The following RXRA variants were observed in gnomAD, a reference collection of about 807,000 sequenced individuals.
RXRA encodes the protein retinoid X receptor alpha.
In RXRA, 5 loss-of-function variants were observed where a neutral mutation model predicts 44.5. The observed-to-expected ratio is 0.11, with a 90% confidence interval of 0.06 to 0.24. The LOEUF (loss-of-function observed/expected upper bound fraction) is 0.24. Ranked by LOEUF, RXRA falls within the 10% of genes least tolerant of loss-of-function variation. RXRA has a pLI of 1.00. For missense variants in RXRA, 412 were observed against 646.5 expected (o/e 0.64, Z 3.93); for synonymous variants, 291 against 271.4 (o/e 1.07, Z -0.71).
At chr9:134,347,792 G>A (rs945463180) in intron 1 of RXRA, among the ~76,000 whole-genome samples, 3 of 152,194 alleles carry the variant, frequency 2.0e-5, no homozygotes, top group Non-Finnish European at 4.4e-5. Context: ...TTCAGAGCTG[G>A]ACATTGAGGT....
chr9:134,410,866 G>T (rs1388278957), intron 4 of RXRA, among the ~76,000 whole-genome samples: 11 of 152,232 alleles, frequency 7.2e-5, no homozygotes, highest in Admixed American at 6.5e-4. Context: ...CATGGCTGAT[G>T]CCTGGCCTGG....
chr9:134,365,978 C>T lies in RXRA; in HGVS notation c.29-35654C>T, dbSNP rs571263479. 5.3e-5 allele frequency among the ~76,000 whole-genome samples: 8 copies of T among 152,158 alleles called. No homozygotes were observed. Among genetic ancestry groups the T allele is most frequent in the Middle Eastern group, 3.4e-3 (1 of 294 alleles). ...CGTCCGCTGAGCGACCCCTAGGAGC[C>T]GCCTGTCTTTGCAGGAGCCGCGGGG... On this transcript the variant is annotated intron_variant, in intron 1 of 9. Transcript: ENST00000481739. This position sits in a 1 kb window ranked among gnomAD's most constrained non-coding sequence, Gnocchi z 4.0.
chr9:134,376,594 T>TCC (rs1554752121), intron 1 of RXRA, among the ~76,000 whole-genome samples: 1,549 of 152,098 alleles, frequency 0.01, 36 homozygotes, highest in African/African-American at 0.035. Flanking sequence ...CCTTGCCGCG[T>TCC]TCTCTGTCTA....
intron 1 of RXRA, among the ~76,000 whole-genome samples, chr9:134,351,405 T>C (rs1011295615): frequency 5.3e-5 from 8 of 152,122 alleles, no homozygotes; most frequent in Non-Finnish European, 8.8e-5. Flanking sequence ...GGCAGGCTGG[T>C]CTCCAGTCCC....
At chr9:134,374,947 C>T (rs578159777) in intron 1 of RXRA, among the ~76,000 whole-genome samples, 2 of 152,190 alleles carry the variant, frequency 1.3e-5, no homozygotes, top group Non-Finnish European at 2.9e-5. Context: ...GGCCAGGGCC[C>T]AGGGTGTCAC....
chr9:134,355,293 G>A (rs1554749943), intron 1 of RXRA, among the ~76,000 whole-genome samples: 1 of 152,188 alleles, frequency 6.6e-6, no homozygotes, highest in Non-Finnish European at 1.5e-5. Flanking sequence ...GTCTCTTTGC[G>A]CTCCCCGGCC....
chr9:134,405,583 G>C (rs1247876012), intron 2 of RXRA: 1 of 152,352 alleles, frequency 6.6e-6, no homozygotes, highest in African/African-American at 2.4e-5. Context: ...AGGCCCAAGG[G>C]ACTGCACATG....
chr9:134,413,514 CTCTG>C (rs759042511), intron 4 of RXRA, among the ~76,000 whole-genome samples: 7 of 152,164 alleles, frequency 4.6e-5, no homozygotes, highest in Non-Finnish European at 1.0e-4. Context: ...CTCTCTGGGT[CTCTG>C]TCTCCCCACC....
intron 8 of RXRA, among the ~76,000 whole-genome samples, chr9:134,432,251 T>C (rs1588310480): frequency 6.6e-6 from 1 of 152,214 alleles, no homozygotes; most frequent in Non-Finnish European, 1.5e-5. Context: ...GGCTTGGTGG[T>C]GCCGTCTGGG....
In RXRA at chr9:134,430,440, T is replaced by C. The variant is rs1831514642; in HGVS notation, c.1043+1200T>C. On this transcript the variant is annotated intron_variant, in intron 7 of 9. Coordinates refer to ENST00000481739, the MANE Select transcript of RXRA (RefSeq NM_002957.6). ...GCACCGGCACTTACAGGGGGATTAA[T>C]GCCCCAGCAGCAATGCCCCAGGGGG... Among the ~76,000 whole-genome samples the C allele has an allele frequency of 2.0e-5, 3 of 152,314 alleles. No homozygotes were observed. The South Asian group carries it at 6.2e-4, about 32-fold the overall frequency.
intron 6 of RXRA, chr9:134,422,364 C>A: frequency 7.8e-7 from 1 of 1,275,436 alleles, no homozygotes; most frequent in Non-Finnish European, 1.0e-6. Flanking sequence ...ACACTCCCCG[C>A]TACCGGGACA....
At chr9:134,381,068 G>A (rs562989102) in intron 1 of RXRA, among the ~76,000 whole-genome samples, 1 of 152,206 alleles carries the variant, frequency 6.6e-6, no homozygotes, top group Non-Finnish European at 1.5e-5. Context: ...ACCCGGACAA[G>A]GGGTTTTCCT....
At chr9:134,367,236 T>C (rs1484896139) in intron 1 of RXRA, among the ~76,000 whole-genome samples, 1 of 152,040 alleles carries the variant, frequency 6.6e-6, no homozygotes, top group Non-Finnish European at 1.5e-5. Flanking sequence ...CTGCCTGCCT[T>C]CTTTGTGGAT....
intron 1 of RXRA, among the ~76,000 whole-genome samples, chr9:134,339,100 GGTCAC>G (rs1345486923): frequency 6.5e-5 from 9 of 139,140 alleles, no homozygotes; most frequent in Non-Finnish European, 1.1e-4. Context: ...CAGGGCTGGT[GGTCAC>G]CCCCCCTGGG....
chr9:134,401,440 G>A (rs1830957513), intron 1 of RXRA, 192 bp from the exon 2 acceptor site: 7 of 830,184 alleles, frequency 8.4e-6, no homozygotes, highest in South Asian at 1.6e-5. Flanking sequence ...TACCTTGGAG[G>A]GGAGCTCTGG....
At chr9:134,348,370 G>A (rs918854901) in intron 1 of RXRA, among the ~76,000 whole-genome samples, 2 of 152,208 alleles carry the variant, frequency 1.3e-5, no homozygotes, top group African/African-American at 2.4e-5. Context: ...AGCGGGCATC[G>A]TGGTGCGATG....
At chr9:134,401,972 T>A in intron 2 of RXRA, 90 bp downstream of exon 2, 2 of 1,085,844 alleles carry the variant, frequency 1.8e-6, no homozygotes, top group Non-Finnish European at 1.3e-6. Context: ...TCTTGAGGCC[T>A]CTGGGAGGTA....
intron 1 of RXRA, among the ~76,000 whole-genome samples, chr9:134,382,667 G>C (rs1466701645): frequency 1.3e-5 from 2 of 152,198 alleles, no homozygotes; most frequent in African/African-American, 4.8e-5. Flanking sequence ...CAGTTATCCA[G>C]GGTGGGGTGC....
chr9:134,352,553 C>T (rs568602522), intron 1 of RXRA, among the ~76,000 whole-genome samples: 99 of 152,268 alleles, frequency 6.5e-4, no homozygotes, highest in African/African-American at 2.0e-3. Flanking sequence ...TGGGAACTGG[C>T]GTCTGTCCGG....
Sources: gnomAD v4.1 joint callset for allele counts (sites outside exome capture counted in the v4.1 genomes callset) on GRCh38, gnomAD v4.1.1 for gene constraint, Gnocchi (gnomAD v3.1) non-coding constraint, MANE v1.5 for transcripts, NCBI Gene and HGNC (gene_info 2026-07-23, HGNC 2026-07-21) for gene names.